The following HECW1 variants were observed in gnomAD, a reference collection of about 807,000 sequenced individuals.
HECW1 encodes the protein E3 ubiquitin-protein ligase HECW1.
In HECW1, 61 loss-of-function variants were observed where a neutral mutation model predicts 182.3. That is an observed-to-expected ratio of 0.33 (90% confidence interval 0.27 to 0.41). HECW1 has a LOEUF of 0.41. Ranked by LOEUF, HECW1 falls within the 10% of genes least tolerant of loss-of-function variation. The probability of loss-of-function intolerance (pLI) is 1.00; values close to 1 mark genes in which losing one functional copy is unlikely to be tolerated. For missense variants in HECW1, 1,739 were observed against 2,108.9 expected (o/e 0.82, Z 3.44); for synonymous variants, 859 against 832.6 (o/e 1.03, Z -0.55).
intron 3 of HECW1, among the ~76,000 whole-genome samples, chr7:43,298,196 C>G (rs576559067): frequency 5.9e-5 from 9 of 152,240 alleles, no homozygotes; most frequent in Non-Finnish European, 1.2e-4. Flanking sequence ...TCACCCCACT[C>G]TCTCCCTGCA....
At chr7:43,296,254 A>T (rs1188172812) in intron 3 of HECW1, among the ~76,000 whole-genome samples, 1 of 152,226 alleles carries the variant, frequency 6.6e-6, no homozygotes, top group Admixed American at 6.5e-5. Flanking sequence ...TTATTCTGGT[A>T]GTCTCTGTGT....
intron 5 of HECW1, among the ~76,000 whole-genome samples, chr7:43,325,759 C>T (rs1482910560): frequency 6.6e-6 from 1 of 152,186 alleles, no homozygotes; most frequent in African/African-American, 2.4e-5. Context: ...CCGGATCCCA[C>T]CTCACCTCCC....
rs532886149 is a variant in HECW1, at chr7:43,321,976, A to G, written c.460+1234A>G. Among the ~76,000 whole-genome samples, 4 of 152,350 alleles carry G rather than the reference A, an allele frequency of 2.6e-5. No homozygotes were observed. In the East Asian group the frequency reaches 7.7e-4, roughly 29 times the overall value. ...ATGAATAGACAACGAGGAAATTTTT[A>G]TGCTATCAGGGTGTAGAGGGAACAT... On this transcript the variant is annotated intron_variant, in intron 5 of 29. Coordinates refer to ENST00000395891, the MANE Select transcript of HECW1 (RefSeq NM_015052.5).
In HECW1 at chr7:43,501,442, T is replaced by C. The variant is rs188834609; in HGVS notation, c.3631+120T>C. 4.1e-5 allele frequency: 24 copies of C among 584,952 alleles called. No homozygotes were observed. The East Asian group carries it at 4.4e-4, about 11-fold the overall frequency. 36.2% of individuals were successfully genotyped at this position (584,952 alleles called of 1,614,324 possible). A position where few individuals can be genotyped will look rare whatever the true frequency, so the allele number is the denominator to read the frequency against. Reference sequence around the variant, plus strand: ...TCTCTCGGCCTTCCCAATTCCCTAATTGAAAATGCACTCTATCAGGTTTTG... The same window carrying C: ...TCTCTCGGCCTTCCCAATTCCCTAACTGAAAATGCACTCTATCAGGTTTTG... On this transcript the variant is annotated intron_variant, in intron 21 of 29. Transcript: ENST00000395891.
At chr7:43,536,854 A>G (rs2081194679) in intron 24 of HECW1, among the ~76,000 whole-genome samples, 2 of 152,190 alleles carry the variant, frequency 1.3e-5, no homozygotes, top group South Asian at 4.1e-4. Context: ...CTAAGACAGC[A>G]GGACAACACG....
At chr7:43,304,210 C>T (rs912124886) in intron 3 of HECW1, among the ~76,000 whole-genome samples, 1 of 152,076 alleles carries the variant, frequency 6.6e-6, no homozygotes, top group Non-Finnish European at 1.5e-5. Flanking sequence ...GGCCTGTCTC[C>T]AAACCCTCCA....
At chr7:43,474,435 C>T (rs1052961871) in intron 16 of HECW1, among the ~76,000 whole-genome samples, 5 of 151,852 alleles carry the variant, frequency 3.3e-5, no homozygotes, top group African/African-American at 4.8e-5. Context: ...AGCGACAGAG[C>T]GAGACTCTGT....
intron 24 of HECW1, chr7:43,522,278 A>G (rs1216738694): frequency 6.6e-6 from 1 of 152,180 alleles, no homozygotes; most frequent in Non-Finnish European, 1.5e-5. Flanking sequence ...TTGGCAACTG[A>G]AGAACTTACT....
intron 3 of HECW1, among the ~76,000 whole-genome samples, chr7:43,302,223 G>A (rs1034880757): frequency 6.6e-6 from 1 of 151,256 alleles, no homozygotes; most frequent in Admixed American, 6.5e-5. Context: ...TTCTCAACAA[G>A]CCTGAGGCTC....
chr7:43,463,510 T>A (rs2077657847), intron 13 of HECW1, 150 bp from the exon 14 acceptor site: 2 of 678,686 alleles, frequency 2.9e-6, no homozygotes, highest in Admixed American at 6.0e-5. Flanking sequence ...TCTTGCTAAT[T>A]GTTCTGGCTA....
chr7:43,265,406 C>G (rs868082053), intron 3 of HECW1, among the ~76,000 whole-genome samples: 2 of 152,168 alleles, frequency 1.3e-5, no homozygotes, highest in South Asian at 4.1e-4. Flanking sequence ...TGAGAGCAGA[C>G]AGCCTAAAGA....
intron 5 of HECW1, among the ~76,000 whole-genome samples, chr7:43,342,389 G>A (rs1194236779): frequency 6.6e-6 from 1 of 151,718 alleles, no homozygotes; most frequent in Non-Finnish European, 1.5e-5. Flanking sequence ...AAATACAAAT[G>A]GATATACTGC....
chr7:43,196,409 A>G (rs932782887), intron 2 of HECW1, among the ~76,000 whole-genome samples: 13 of 152,204 alleles, frequency 8.5e-5, no homozygotes, highest in Admixed American at 7.9e-4. Flanking sequence ...CAACTATTTC[A>G]ATCAGTGTCT....
intron 5 of HECW1, among the ~76,000 whole-genome samples, chr7:43,352,468 T>A (rs1426659050): frequency 2.6e-5 from 4 of 152,210 alleles, no homozygotes; most frequent in Non-Finnish European, 2.9e-5. Context: ...TAGTACATTA[T>A]TACTGAAAGT....
At position 43,509,019 on chromosome 7, in the gene HECW1, A is replaced by C. The variant is rs762364848; in HGVS notation, c.3917A>C (p.Glu1306Ala). 2 of 1,614,082 alleles carry C rather than the reference A, an allele frequency of 1.2e-6. No homozygotes were observed. The highest frequency in any genetic ancestry group is 1.7e-6 in the Non-Finnish European group (2 of 1,179,986). The change falls in exon 24 of 30, where the codon GAG (glutamate) becomes GCG (alanine). Residue 1306 changes from glutamate (E) to alanine (A), a missense_variant. Around this residue, in one of 5 missense-constraint regions of HECW1, gnomAD observed 420 missense variants for 595.7 expected, o/e 0.71. Transcript: ENST00000395891. ...GAGTTCTTCTTCCTTCTGTCTCAGG[A>C]GCTCTTCAACCCTTACTATGGACTC... ...SREFFFLLSQ[E>A]LFNPYYGLFE...
chr7:43,445,596 G>A (rs1313295586), intron 11 of HECW1, 26 bp downstream of exon 11: 4 of 1,527,340 alleles, frequency 2.6e-6, no homozygotes, highest in African/African-American at 2.7e-5. Flanking sequence ...TGATCAGAGT[G>A]AGAATAGGAC....
chr7:43,406,116 G>T (rs1257617709), intron 7 of HECW1, among the ~76,000 whole-genome samples: 1 of 152,214 alleles, frequency 6.6e-6, no homozygotes, highest in Admixed American at 6.5e-5. Context: ...GTTCTGGAGG[G>T]CTGCCTTTCA....
chr7:43,445,230 G>A lies in HECW1; in HGVS notation c.2058G>A (p.Ser686=), dbSNP rs775565051. The part of the protein sequence containing the change: ...SCCSPSCYSS[S]CYSTSCYSSS... ...GCAGCCCCTCGTGCTACAGCTCCTC[G>A]TGCTACAGCACGTCCTGCTACAGCA... Residue 686 remains serine (S), a synonymous_variant, in exon 11 of 30, where the codon TCG becomes TCA. Coordinates refer to ENST00000395891, the MANE Select transcript of HECW1 (RefSeq NM_015052.5). 2.8e-5 allele frequency: 45 copies of A among 1,613,134 alleles called. No individual in the cohort carries two copies. The highest frequency in any genetic ancestry group is 3.7e-5 in the Non-Finnish European group (44 of 1,179,606).
intron 3 of HECW1, among the ~76,000 whole-genome samples, chr7:43,293,326 T>A (rs1052883833): frequency 1.3e-5 from 2 of 152,106 alleles, no homozygotes; most frequent in African/African-American, 4.8e-5. Context: ...ATACAGAATC[T>A]TCTTGGGTTC....
Sources: gnomAD v4.1 joint callset for allele counts (sites outside exome capture counted in the v4.1 genomes callset) on GRCh38, gnomAD v4.1.1 for gene constraint, gnomAD v4.1.1 regional missense constraint, MANE v1.5 for transcripts, NCBI Gene and HGNC (gene_info 2026-07-23, HGNC 2026-07-21) for gene names.